The following INPPL1 variants were observed in gnomAD, a reference collection of about 807,000 sequenced individuals.
INPPL1 encodes the protein inositol polyphosphate phosphatase like 1, also known as phosphatidylinositol 3,4,5-trisphosphate 5-phosphatase 2.
A neutral mutation model predicts 139.3 loss-of-function variants in INPPL1; 91 were observed. That is an observed-to-expected ratio of 0.65 (90% CI 0.55 to 0.78). The LOEUF (loss-of-function observed/expected upper bound fraction) is 0.78. Ranked by LOEUF, INPPL1 falls within the 30% of genes least tolerant of loss-of-function variation. The probability of loss-of-function intolerance (pLI) is 0.00; values close to 1 mark genes in which losing one functional copy is unlikely to be tolerated. For missense variants in INPPL1, 1,411 were observed against 1,665.6 expected, an observed-to-expected ratio of 0.85 and a Z score of 2.66; for synonymous variants, 719 against 686.6, an observed-to-expected ratio of 1.05 and a Z score of -0.74.
At chr11:72,224,272 C>T (rs1313310871), upstream of INPPL1, among the ~76,000 whole-genome samples, 1 of 149,302 alleles carries the variant, frequency 6.7e-6, no homozygotes, top group African/African-American at 2.5e-5. Context: ...GGGTTCAGAT[C>T]TAAGAGGGGG....
In INPPL1 at chr11:72,235,479, G is replaced by C; in HGVS notation, c.2659+28G>C. ...GGGGACTCCACTGGGACATGAGATA[G>C]GGTGGTGTGAACAGATCAAGGAGGG... is the stretch of plus-strand genomic sequence containing the variant. On this transcript the variant is annotated intron_variant, in intron 23 of 27. Coordinates refer to ENST00000298229, the MANE Select transcript of INPPL1 (RefSeq NM_001567.4). This position sits in a 1 kb window ranked among gnomAD's most constrained non-coding sequence, Gnocchi z 4.9. 1 of 1,607,920 alleles carries C rather than the reference G, an allele frequency of 6.2e-7. No homozygotes were observed. The highest frequency in any genetic ancestry group is 1.7e-4 in the Middle Eastern group (1 of 6,018).
At chr11:72,231,471 A>G in intron 12 of INPPL1, 27 bp from the exon 13 acceptor site, 1 of 1,510,948 alleles carries the variant, frequency 6.6e-7, no homozygotes. Flanking sequence ...GCAGCAGGGC[A>G]GTGGTGACCA....
At position 72,237,692 on chromosome 11, in the gene INPPL1, C is replaced by T; in HGVS notation, c.3448C>T (p.Leu1150=). 6.2e-7 allele frequency: 1 copy of T among 1,611,954 alleles called. No homozygotes were observed. Among genetic ancestry groups the T allele is most frequent in the Non-Finnish European group, 8.5e-7 (1 of 1,179,528 alleles). The change falls in exon 26 of 28, where the codon CTG becomes TTG. Residue 1150 remains leucine (L), a synonymous_variant. Transcript: ENST00000298229. ...ACGCTCAGCGCTCCTCCCAGGCCCC[C>T]TGGAGCTGCAGCCCCCCCGGGGACT... The part of the protein sequence containing the change: ...PARSALLPGP[L]ELQPPRGLPS...
intron 1 of INPPL1, chr11:72,227,988 G>T (rs1299217979): frequency 4.7e-6 from 2 of 429,108 alleles, no homozygotes; most frequent in Non-Finnish European, 8.4e-6. Flanking sequence ...GGGGTGTTCT[G>T]GTCATTCCTG....
Position 72,237,344 on chromosome 11 carries a change from G to A in INPPL1, c.3100G>A (p.Val1034Met). The change falls in exon 26 of 28, where the codon GTG becomes ATG. Residue 1034 changes from valine (V) to methionine (M), a missense_variant. Around this residue, in one of 5 missense-constraint regions of INPPL1, gnomAD observed 438 missense variants for 425.7 expected, o/e 1.03. Transcript: ENST00000298229. ...PQLGHHRHPR[V>M]GEGSSSDEES... The stretch of plus-strand genomic sequence containing the variant: ...GCTTGGGCACCACCGGCACCCTCGT[G>A]TGGGAGAGGGGAGTTCTTCAGATGA... 1.2e-6 allele frequency: 2 copies of A among 1,614,028 alleles called. No homozygotes were observed. Among genetic ancestry groups the A allele is most frequent in the Non-Finnish European group, 1.7e-6 (2 of 1,180,032 alleles).
At chr11:72,237,918 G>A in intron 26 of INPPL1, 122 bp downstream of exon 26, 3 of 1,444,420 alleles carry the variant, frequency 2.1e-6, no homozygotes, top group South Asian at 1.4e-5. Context: ...TCACTGGGAA[G>A]TTGGGAGACA....
rs376749049 is a variant in INPPL1 at position 72,229,110 on chromosome 11, C to T, written c.539C>T (p.Thr180Ile). The T allele has an allele frequency of 1.1e-5, 17 of 1,612,642 alleles. No homozygotes were observed. The highest frequency in any genetic ancestry group is 2.2e-5 in the East Asian group (1 of 44,882). Residue 180 changes from threonine to isoleucine, a missense_variant, in exon 5 of 28, where the codon ACC (threonine) becomes ATC (isoleucine). Thr to Ile is a moderately conservative substitution (Grantham distance 89). This residue lies in a region of INPPL1 where 504 missense variants were observed against 595.6 expected (regional missense o/e 0.85). Coordinates refer to ENST00000298229, the MANE Select transcript of INPPL1 (RefSeq NM_001567.4). ...CAAAGTGCTCCCAATGGGCTGAGCA[C>T]CGTCTCGCACGACTACCTGAAAGGC... is the stretch of plus-strand genomic sequence containing the variant. The part of the protein sequence containing the change: ...AAESAPNGLS[T>I]VSHDYLKGSY...
chr11:72,235,662 C>T lies in INPPL1; in HGVS notation c.2660-13C>T, dbSNP rs767259291. 3.7e-6 allele frequency: 6 copies of T among 1,613,656 alleles called. No homozygotes were observed. Among genetic ancestry groups the T allele is most frequent in the South Asian group, 2.2e-5 (2 of 91,060 alleles). On this transcript the variant is annotated splice_polypyrimidine_tract_variant and intron_variant, in intron 23 of 27. Coordinates refer to ENST00000298229, the MANE Select transcript of INPPL1 (RefSeq NM_001567.4). The surrounding 1 kb of genome is among the most constrained non-coding windows in gnomAD (Gnocchi z 4.9). ...CCCAGGTCTCCTCTGAGTCTCCCTT[C>T]CTGCCCCCTCAGAGTGGATCAGCAT...
At chr11:72,225,762 C>T (rs1948653716) in intron 1 of INPPL1, among the ~76,000 whole-genome samples, 1 of 152,148 alleles carries the variant, frequency 6.6e-6, no homozygotes, top group Admixed American at 6.5e-5. Context: ...TGTTTGAGCC[C>T]TGGCTCTGGG....
intron 1 of INPPL1, 128 bp downstream of exon 1, chr11:72,225,294 T>TG: frequency 8.2e-7 from 1 of 1,221,194 alleles, no homozygotes; most frequent in East Asian, 3.2e-5. Flanking sequence ...CCCCCCAGAG[T>TG]GGGAGCCTTG....
In INPPL1 at chr11:72,237,593, G is replaced by T. The variant is rs1949027181; in HGVS notation, c.3349G>T (p.Asp1117Tyr). 2 of 1,599,864 alleles carry T rather than the reference G, an allele frequency of 1.3e-6. No homozygotes were observed. Among genetic ancestry groups the T allele is most frequent in the Non-Finnish European group, 1.7e-6 (2 of 1,170,638 alleles). ...TTTCCTGGGGGAAGTGGCCAGTGGG[G>T]ATGACCGGTCCTGCTCGGTGCTGCA... ...STFLGEVASG[D>Y]DRSCSVLQMA... Residue 1117 changes from aspartate to tyrosine, a missense_variant, in exon 26 of 28, where the codon GAT (aspartate) becomes TAT (tyrosine). By Grantham distance (160) the Asp-to-Tyr change is radical. Coordinates refer to ENST00000298229, the MANE Select transcript of INPPL1 (RefSeq NM_001567.4).
chr11:72,230,044 G>A (rs1031911489), intron 8 of INPPL1, 25 bp downstream of exon 8: 1 of 1,614,016 alleles, frequency 6.2e-7, no homozygotes, highest in African/African-American at 1.3e-5. Flanking sequence ...GGCCTCACAG[G>A]GCCAAGGGTG....
chr11:72,237,831 G>A (rs1949038160), intron 26 of INPPL1, 35 bp downstream of exon 26: 1 of 1,558,090 alleles, frequency 6.4e-7, no homozygotes, highest in Non-Finnish European at 8.7e-7. Context: ...GTGTGTGCCT[G>A]AGTGTGCTTG....
intron 25 of INPPL1, 95 bp downstream of exon 25, chr11:72,236,081 C>CA: frequency 1.4e-6 from 1 of 726,008 alleles, no homozygotes; most frequent in South Asian, 1.9e-5. Context: ...TGGAGATCAT[C>CA]AGCTGCTTAG....
chr11:72,239,145 A>C lies in INPPL1; in HGVS notation c.*792A>C, dbSNP rs1949085706. ...AATAAATTACAAGTTTTTCAAAGAA[A>C]AAGGACAACCAAAAAAATTAGGGAA... On this transcript the variant is annotated 3_prime_UTR_variant, in exon 28 of 28. Coordinates refer to ENST00000298229, the MANE Select transcript of INPPL1 (RefSeq NM_001567.4). 1 of 152,260 alleles carries C rather than the reference A, an allele frequency of 6.6e-6. No homozygotes were observed. The highest frequency in any genetic ancestry group is 2.4e-5 in the African/African-American group (1 of 41,450). The allele number at this position is 152,260 out of a possible 1,614,324, so 9.4% of individuals were successfully genotyped here.
rs1948633012 is a variant in INPPL1 at position 72,225,165 on chromosome 11, C to G, written c.181C>G (p.Leu61Val). The part of the protein sequence containing the change: ...SVAGAFALCV[L>V]YQKHVHTYRI... ...GGCGGGGGCCTTCGCGCTCTGCGTC[C>G]TGTGAGTGGGGCGGGGGCTCCTTGC... is the stretch of plus-strand genomic sequence containing the variant. The change falls in exon 1 of 28, where the codon CTG (leucine) becomes GTG (valine). Residue 61 changes from leucine to valine, a missense_variant and splice_region_variant. By Grantham distance (32) the Leu-to-Val change is conservative. Transcript: ENST00000298229. The G allele has an allele frequency of 8.1e-7, 1 of 1,231,388 alleles. No individual in the cohort carries two copies. Among genetic ancestry groups the G allele is most frequent in the African/African-American group, 1.6e-5 (1 of 64,386 alleles). 76.3% of individuals were successfully genotyped at this position (1,231,388 alleles called of 1,614,324 possible). A position where few individuals can be genotyped will look rare whatever the true frequency, so the allele number is the denominator to read the frequency against.
At position 72,229,544 on chromosome 11, in the gene INPPL1, C is replaced by A. The variant is rs774695734; in HGVS notation, c.739C>A (p.Leu247Ile). ...GCAGAGCTCGCCCATGGTGACCCGC[C>A]TTTTGCAGCAGCAGGTAGATTGTAG... is the stretch of plus-strand genomic sequence containing the variant. ...DQQSSPMVTR[L>I]LQQQNLPQTG... Residue 247 changes from leucine to isoleucine, a missense_variant, in exon 6 of 28, where the codon CTT (leucine) becomes ATT (isoleucine). By Grantham distance (5) the Leu-to-Ile change is conservative. This residue lies in a region of INPPL1 where 504 missense variants were observed against 595.6 expected (regional missense o/e 0.85). Coordinates refer to ENST00000298229, the MANE Select transcript of INPPL1 (RefSeq NM_001567.4). 13 of 1,614,128 alleles carry A rather than the reference C, an allele frequency of 8.1e-6. No individual in the cohort carries two copies. Among genetic ancestry groups the A allele is most frequent in the Non-Finnish European group, 5.1e-6 (6 of 1,180,016 alleles).
At chr11:72,229,328 C>G (rs1948765130) in intron 5 of INPPL1, 98 bp downstream of exon 5, 1 of 1,429,050 alleles carries the variant, frequency 7.0e-7, no homozygotes, top group African/African-American at 1.4e-5. Flanking sequence ...TGATCCTGAA[C>G]AGTGAACTAG....
chr11:72,232,938 C>T lies in INPPL1; in HGVS notation c.1915C>T (p.Leu639=), dbSNP rs925858700. The T allele has an allele frequency of 1.2e-6, 2 of 1,614,160 alleles. No individual in the cohort carries two copies. Among genetic ancestry groups the T allele is most frequent in the Admixed American group, 3.3e-5 (2 of 60,016 alleles). Residue 639 remains leucine (L), a synonymous_variant, in exon 16 of 28, where the codon CTG becomes TTG. Transcript: ENST00000298229. ...EPLLRVDQLN[L]EREKHKVFLR... The stretch of plus-strand genomic sequence containing the variant: ...CCTCCTCAGGGTGGACCAGCTCAAC[C>T]TGGAGCGGGAGAAGCACAAGGTCTT...
Sources: gnomAD v4.1 joint callset for allele counts (sites outside exome capture counted in the v4.1 genomes callset) on GRCh38, gnomAD v4.1.1 for gene constraint, gnomAD v4.1.1 regional missense constraint, Gnocchi (gnomAD v3.1) non-coding constraint, MANE v1.5 for transcripts, NCBI Gene and HGNC (gene_info 2026-07-23, HGNC 2026-07-21) for gene names.